Variants in EDA observed in about 807,000 individuals in gnomAD.
EDA encodes ectodysplasin-A.
Under a neutral mutation model 23.6 loss-of-function variants are expected in EDA, and 2 were observed. That is an observed-to-expected ratio of 0.08 (90% CI 0.03 to 0.27). The LOEUF (loss-of-function observed/expected upper bound fraction) is 0.27, where lower values mean the gene tolerates loss of function less well. Ranked by LOEUF, EDA falls within the 10% of genes least tolerant of loss-of-function variation. The pLI, the probability that EDA is intolerant of heterozygous loss-of-function variation, is 1.00. For synonymous variants in EDA, 131 were observed against 132.0 expected (o/e 0.99, Z 0.05); for missense variants, 229 against 324.2 (o/e 0.71, Z 2.26).
At chrX:69,687,027 A>G (rs1009935729) in intron 1 of EDA, among the ~76,000 whole-genome samples, 3 of 111,873 alleles carry the variant, frequency 2.7e-5, no homozygotes, top group African/African-American at 9.7e-5. Flanking sequence ...GCTGCACCAT[A>G]TTACATTTCC....
intron 1 of EDA, among the ~76,000 whole-genome samples, chrX:69,822,347 A>G (rs994781981): frequency 9.0e-6 from 1 of 111,366 alleles, no homozygotes; most frequent in Non-Finnish European, 1.9e-5. Flanking sequence ...GTTTGTAGGT[A>G]TGTCCAGAGA....
At chrX:69,694,660 T>G (rs369184004) in intron 1 of EDA, among the ~76,000 whole-genome samples, 24 of 112,036 alleles carry the variant, frequency 2.1e-4, no homozygotes, top group African/African-American at 7.8e-4. Flanking sequence ...CACTACAACG[T>G]TGATGCAATT....
At chrX:69,736,425 G>A (rs766649833) in intron 1 of EDA, among the ~76,000 whole-genome samples, 3 of 110,179 alleles carry the variant, frequency 2.7e-5, no homozygotes, top group Non-Finnish European at 5.7e-5. Flanking sequence ...CACCTCCCGG[G>A]TTCAAGCAAT....
intron 1 of EDA, among the ~76,000 whole-genome samples, chrX:69,805,841 T>C (rs934634757): frequency 2.7e-5 from 3 of 111,618 alleles, no homozygotes; most frequent in Non-Finnish European, 5.7e-5. Context: ...TTTACATACA[T>C]GAATTTGAGT....
chrX:69,677,432 T>C (rs1237169048), intron 1 of EDA, among the ~76,000 whole-genome samples: 5 of 111,615 alleles, frequency 4.5e-5, no homozygotes, highest in African/African-American at 1.6e-4. Context: ...TGAACTAGTT[T>C]GCAGTCCCAC....
At chrX:69,712,706 A>G (rs1260164343) in intron 1 of EDA, among the ~76,000 whole-genome samples, 1 of 111,465 alleles carries the variant, frequency 9.0e-6, no homozygotes, top group African/African-American at 3.3e-5. Context: ...CCATCCCATT[A>G]CTGGGTATAT....
At chrX:69,689,648 CTTT>C (rs138356002) in intron 1 of EDA, among the ~76,000 whole-genome samples, 33,513 of 110,050 alleles carry the variant, frequency 0.3, 4,865 homozygotes, top group Middle Eastern at 0.54. Context: ...CTTTGTTCTT[CTTT>C]ATCAAGATTG....
chrX:69,626,004 A>G (rs1204341685), intron 1 of EDA, among the ~76,000 whole-genome samples: 1 of 111,703 alleles, frequency 9.0e-6, no homozygotes. Context: ...AGCAAAAGAT[A>G]TGAACAGATA....
chrX:69,682,933 A>G (rs1934424406), intron 1 of EDA, among the ~76,000 whole-genome samples: 1 of 111,414 alleles, frequency 9.0e-6, no homozygotes, highest in Admixed American at 9.6e-5. Flanking sequence ...GTTATAGATG[A>G]TGCTTATTTG....
At chrX:69,909,160 TCTTC>T (rs1025621066) in intron 1 of EDA, among the ~76,000 whole-genome samples, 47 of 111,611 alleles carry the variant, frequency 4.2e-4, no homozygotes, top group Non-Finnish European at 9.4e-5. Context: ...TCTTCTCATA[TCTTC>T]CTTCCTTTCT....
chrX:69,818,507 A>G (rs1298394432), intron 1 of EDA, among the ~76,000 whole-genome samples: 1 of 111,941 alleles, frequency 8.9e-6, no homozygotes. Flanking sequence ...TGAATCAAAT[A>G]AACACAATCA....
Position 69,788,713 on chromosome X carries a change from T to G in EDA, c.397-168314T>G, listed in dbSNP as rs760197350. Reference sequence around the variant, plus strand: ...TCTTTAAAGCTGTCAGACAGGGACATTTAAGTCTGCAGAGGTTACTGCTGT... The same window carrying G: ...TCTTTAAAGCTGTCAGACAGGGACAGTTAAGTCTGCAGAGGTTACTGCTGT... On this transcript the variant is annotated intron_variant, in intron 1 of 7. Transcript: ENST00000374552. Among the ~76,000 whole-genome samples, 616 of 112,910 alleles carry G rather than the reference T, an allele frequency of 5.5e-3. 5 individuals carry two copies. Among genetic ancestry groups the G allele is most frequent in the Non-Finnish European group, 7.7e-3 (411 of 53,279 alleles).
intron 6 of EDA, among the ~76,000 whole-genome samples, chrX:70,031,706 G>A (rs1044813156): frequency 8.9e-6 from 1 of 112,637 alleles, no homozygotes; most frequent in African/African-American, 3.2e-5. Flanking sequence ...AGCCTCAGAA[G>A]TGTAAATAGG....
At chrX:69,976,860 T>C (rs2019325664) in intron 2 of EDA, among the ~76,000 whole-genome samples, 1 of 110,710 alleles carries the variant, frequency 9.0e-6, no homozygotes, top group Non-Finnish European at 1.9e-5. Context: ...CCTATAAAAA[T>C]CATTAATATA....
chrX:69,735,868 C>T (rs984886396), intron 1 of EDA, among the ~76,000 whole-genome samples: 9 of 111,616 alleles, frequency 8.1e-5, no homozygotes, highest in African/African-American at 2.6e-4. Flanking sequence ...ATTGCCCCCA[C>T]ACACTCTTTG....
chrX:69,879,053 C>G (rs2017697130), intron 1 of EDA, among the ~76,000 whole-genome samples: 1 of 110,774 alleles, frequency 9.0e-6, no homozygotes, highest in Non-Finnish European at 1.9e-5. Context: ...CTGCTTTGGC[C>G]ATTCTCGTTC....
chrX:70,033,784 C>G (rs1044428688), intron 7 of EDA, among the ~76,000 whole-genome samples: 1 of 111,479 alleles, frequency 9.0e-6, no homozygotes, highest in Non-Finnish European at 1.9e-5. Flanking sequence ...CCTCCCACAC[C>G]CTGCCATCTG....
intron 1 of EDA, among the ~76,000 whole-genome samples, chrX:69,727,564 T>C (rs945207386): frequency 1.2e-4 from 14 of 112,361 alleles, no homozygotes; most frequent in African/African-American, 4.5e-4. Context: ...TCTGCCCTCA[T>C]GACCTAATCA....
At chrX:69,788,543 T>A (rs1330331665) in intron 1 of EDA, among the ~76,000 whole-genome samples, 5 of 111,561 alleles carry the variant, frequency 4.5e-5, no homozygotes, top group African/African-American at 9.8e-5. Flanking sequence ...CTGTTGGAGT[T>A]CCTGGCCGTG....
Sources: gnomAD v4.1 joint callset for allele counts (sites outside exome capture counted in the v4.1 genomes callset) on GRCh38, gnomAD v4.1.1 for gene constraint, MANE v1.5 for transcripts, NCBI Gene and HGNC (gene_info 2026-07-23, HGNC 2026-07-21) for gene names.